TNRC6A: variants seen among roughly 807,000 people sequenced by gnomAD.
TNRC6A encodes trinucleotide repeat containing adaptor 6A, also known as trinucleotide repeat-containing gene 6A protein.
A neutral mutation model predicts 221.2 loss-of-function variants in TNRC6A; 44 were observed. The observed-to-expected ratio is 0.20, with a 90% CI of 0.16 to 0.26. The LOEUF is 0.26. Among genes scored for constraint, TNRC6A ranks in the 10% least tolerant of loss-of-function variants. The pLI, the probability that TNRC6A is intolerant of heterozygous loss-of-function variation, is 1.00. For missense variants in TNRC6A, 2,199 were observed against 2,404.4 expected, an observed-to-expected ratio of 0.91 and a Z score of 1.79; for synonymous variants, 847 against 838.5, an observed-to-expected ratio of 1.01 and a Z score of -0.18.
chr16:24,806,720 C>G lies in TNRC6A; in HGVS notation c.4476C>G (p.Pro1492=), dbSNP rs781335533. ...AGTCTTTCCTTGACAATGTCATGCCCCACACTACACCTGAGCTGCAAAAAG... is the reference window on the plus strand; with the variant it reads ...AGTCTTTCCTTGACAATGTCATGCCGCACACTACACCTGAGCTGCAAAAAG... ...AMKSFLDNVM[P]HTTPELQKGP... is the part of the protein sequence containing the mutation. The change falls in exon 17 of 25, where the codon CCC becomes CCG. Residue 1492 remains proline, a synonymous_variant. Coordinates refer to ENST00000395799, the MANE Select transcript of TNRC6A (RefSeq NM_014494.4). 8 of 1,614,114 alleles carry G rather than the reference C, an allele frequency of 5.0e-6. No homozygotes were observed. In the South Asian group the frequency reaches 7.7e-5, roughly 16 times the overall value.
chr16:24,761,129 A>G (rs2057354274), intron 4 of TNRC6A, among the ~76,000 whole-genome samples: 1 of 152,200 alleles, frequency 6.6e-6, no homozygotes, highest in East Asian at 1.9e-4. Flanking sequence ...GAGTCTGTGT[A>G]AAGACCAAGT....
intron 1 of TNRC6A, among the ~76,000 whole-genome samples, chr16:24,639,313 T>C (rs1488934997): frequency 6.6e-6 from 1 of 151,932 alleles, no homozygotes; most frequent in Non-Finnish European, 1.5e-5. Flanking sequence ...ATCAAAAAAC[T>C]TGTCTCTATA....
rs1305447370 is a variant in TNRC6A at position 24,825,304 on chromosome 16, C to A, written c.*1497C>A. On this transcript the variant is annotated 3_prime_UTR_variant, in exon 25 of 25. Coordinates refer to ENST00000395799, the MANE Select transcript of TNRC6A (RefSeq NM_014494.4). ...TACAGAATTTGCCATCATATCATTG[C>A]CTTGATTCTAACTGTTTGTGTCCTA... The A allele has an allele frequency of 6.6e-6, 1 of 152,546 alleles. No homozygotes were observed. Among genetic ancestry groups the A allele is most frequent in the East Asian group, 1.9e-4 (1 of 5,204 alleles). 9.4% of individuals were successfully genotyped at this position (152,546 alleles called of 1,614,324 possible).
intron 2 of TNRC6A, among the ~76,000 whole-genome samples, chr16:24,655,202 C>G (rs771179381): frequency 3.3e-5 from 5 of 152,092 alleles, no homozygotes; most frequent in Non-Finnish European, 7.3e-5. Context: ...AGTGATCGTG[C>G]CACTGCACTC....
chr16:24,655,261 G>T (rs1301756210), intron 2 of TNRC6A, among the ~76,000 whole-genome samples: 1 of 151,920 alleles, frequency 6.6e-6, no homozygotes, highest in Non-Finnish European at 1.5e-5. Context: ...AAATTTGAAA[G>T]GCGGGGGGGA....
At chr16:24,811,929 TGTC>T (rs1407314545) in intron 18 of TNRC6A, among the ~76,000 whole-genome samples, 2 of 151,610 alleles carry the variant, frequency 1.3e-5, no homozygotes, top group Non-Finnish European at 2.9e-5. Flanking sequence ...AAATTAAAAT[TGTC>T]GTGTAATAGA....
chr16:24,679,793 G>A (rs540169425), intron 2 of TNRC6A, among the ~76,000 whole-genome samples: 7 of 151,162 alleles, frequency 4.6e-5, no homozygotes, highest in Non-Finnish European at 8.8e-5. Context: ...TTTTTTTTTA[G>A]AGACAAGGTC....
rs1002171897 is a variant in TNRC6A at position 24,826,089 on chromosome 16, G to A, written c.*2282G>A. 2.0e-5 allele frequency: 3 copies of A among 152,658 alleles called. No individual in the cohort carries two copies. The highest frequency in any genetic ancestry group is 2.1e-4 in the South Asian group (1 of 4,828). 9.5% of individuals were successfully genotyped at this position (152,658 alleles called of 1,614,324 possible). ...AACCATGTCTGGAAATGTTTGGAGCGTTAAGCTGATTGACCTTCTGACCTT... is the reference window on the plus strand; with the variant it reads ...AACCATGTCTGGAAATGTTTGGAGCATTAAGCTGATTGACCTTCTGACCTT... On this transcript the variant is annotated 3_prime_UTR_variant, in exon 25 of 25. Transcript: ENST00000395799.
chr16:24,806,799 G>C lies in TNRC6A; in HGVS notation c.4540+15G>C. 6.2e-7 allele frequency: 1 copy of C among 1,613,406 alleles called. No individual in the cohort carries two copies. Among genetic ancestry groups the C allele is most frequent in the Non-Finnish European group, 8.5e-7 (1 of 1,179,492 alleles). ...CTTCCCTATAGGTGGGTTTCTCCTT[G>C]GCCCAAGTATTGGACTGATGCTTAG... On this transcript the variant is annotated intron_variant, in intron 17 of 24. Coordinates refer to ENST00000395799, the MANE Select transcript of TNRC6A (RefSeq NM_014494.4).
rs188149672 is a variant in TNRC6A, at chr16:24,649,882, G to A, written n.402+8873G>A. Among the ~76,000 whole-genome samples the A allele has an allele frequency of 3.0e-5, 4 of 134,566 alleles. No individual in the cohort carries two copies. The South Asian group carries it at 7.0e-4, about 24-fold the overall frequency. The allele number at this position is 134,566 out of a possible 152,430, so 88.3% of individuals were successfully genotyped here. A position where few individuals can be genotyped will look rare whatever the true frequency, so the allele number is the denominator to read the frequency against. On this transcript the variant is annotated intron_variant and non_coding_transcript_variant, in intron 2 of 2. Coordinates refer to the TNRC6A transcript ENST00000566108. ...AGCTCTGTCACCCAGGCATGACAGT[G>A]GCACAATTTTGGTTCACTGCAAACT... is the stretch of plus-strand genomic sequence containing the variant.
chr16:24,818,821 C>T, intron 21 of TNRC6A, 121 bp downstream of exon 21: 1 of 770,062 alleles, frequency 1.3e-6, no homozygotes, highest in South Asian at 1.5e-5. Flanking sequence ...GTTTGTGAGC[C>T]TGGGAAATTA....
At chr16:24,708,530 C>G (rs912804836) in intron 2 of TNRC6A, among the ~76,000 whole-genome samples, 1 of 151,906 alleles carries the variant, frequency 6.6e-6, no homozygotes, top group Non-Finnish European at 1.5e-5. Context: ...CGTGAGCCAC[C>G]GCCCCCAGCC....
At chr16:24,730,497 A>T (rs115981479) in intron 2 of TNRC6A, among the ~76,000 whole-genome samples, 197 bp downstream of exon 2, 4,508 of 117,380 alleles carry the variant, frequency 0.038, 230 homozygotes, top group African/African-American at 0.14. Flanking sequence ...TTCTTTCTTT[A>T]AAAAAAAAAA....
intron 2 of TNRC6A, among the ~76,000 whole-genome samples, chr16:24,650,664 CAA>C (rs1335000917): frequency 1.0e-4 from 12 of 119,386 alleles, no homozygotes; most frequent in Admixed American, 9.1e-5. Context: ...GACTCTGACT[CAA>C]AAAAAAAAAA....
rs2057282062 is a variant in TNRC6A, at chr16:24,757,691, AGTG to A, written c.142-647_142-645del. ...AAAGGAAGAGCAGACATTGGAAGGC[AGTG>A]AAAGCAGAGTTCATGTCAGTTCAGC... On this transcript the variant is annotated intron_variant, in intron 3 of 24. Transcript: ENST00000395799. Among the ~76,000 whole-genome samples, 3 of 152,362 alleles carry A rather than the reference AGTG, an allele frequency of 2.0e-5. No homozygotes were observed. In the East Asian group the frequency reaches 5.8e-4, roughly 29 times the overall value.
intron 4 of TNRC6A, among the ~76,000 whole-genome samples, chr16:24,773,213 A>G (rs1168737311): frequency 2.0e-5 from 3 of 152,098 alleles, no homozygotes; most frequent in African/African-American, 7.2e-5. Flanking sequence ...TAAGGCTATG[A>G]ATTTTTTTGT....
At chr16:24,754,639 A>G (rs1312772567) in intron 3 of TNRC6A, among the ~76,000 whole-genome samples, 2 of 152,180 alleles carry the variant, frequency 1.3e-5, no homozygotes, top group African/African-American at 4.8e-5. Flanking sequence ...TTTAGAAGAA[A>G]TTTCTCCAAG....
At chr16:24,658,170 A>T (rs2054957247) in intron 2 of TNRC6A, among the ~76,000 whole-genome samples, 1 of 152,186 alleles carries the variant, frequency 6.6e-6, no homozygotes, top group South Asian at 2.1e-4. Context: ...GAAGCTGGTT[A>T]ACATTTACAG....
intron 2 of TNRC6A, among the ~76,000 whole-genome samples, chr16:24,712,965 G>A (rs2056236358): frequency 6.7e-6 from 1 of 149,174 alleles, no homozygotes; most frequent in African/African-American, 2.5e-5. Flanking sequence ...GTGTATAGAG[G>A]TGAGGGTCTC....
Sources: gnomAD v4.1 joint callset for allele counts (sites outside exome capture counted in the v4.1 genomes callset) on GRCh38, gnomAD v4.1.1 for gene constraint, MANE v1.5 for transcripts, NCBI Gene and HGNC (gene_info 2026-07-23, HGNC 2026-07-21) for gene names.